The following DTWD2 variants were observed in gnomAD, a reference collection of about 807,000 sequenced individuals.
DTWD2 encodes the protein tRNA-uridine aminocarboxypropyltransferase 2.
DTWD2 carries 39 observed loss-of-function variants against 31.8 expected under a neutral mutation model. That is an observed-to-expected ratio of 1.22 (90% confidence interval 0.95 to 1.60). The LOEUF is 1.60. Ranked by LOEUF, DTWD2 falls within the 40% of genes most tolerant of loss-of-function variation. DTWD2 has a pLI of 0.00. For missense variants in DTWD2, 515 were observed against 381.5 expected (o/e 1.35, Z -2.92); for synonymous variants, 180 against 142.8 (o/e 1.26, Z -1.86).
intron 2 of DTWD2, among the ~76,000 whole-genome samples, chr5:118,940,645 A>C (rs188971823): frequency 3.3e-4 from 51 of 152,356 alleles, no homozygotes; most frequent in African/African-American, 1.1e-3. Context: ...AGTACAATAC[A>C]AAGAGAGAGA....
chr5:118,959,351 G>A (rs1033967937), intron 1 of DTWD2, among the ~76,000 whole-genome samples: 4 of 151,914 alleles, frequency 2.6e-5, no homozygotes, highest in African/African-American at 9.7e-5. Flanking sequence ...ACTCACAATA[G>A]ACACAAAAAG....
intron 1 of DTWD2, among the ~76,000 whole-genome samples, chr5:118,947,038 T>G (rs779213461): frequency 5.9e-5 from 9 of 152,128 alleles, no homozygotes; most frequent in Non-Finnish European, 1.2e-4. Flanking sequence ...CCTTGACCCC[T>G]TCCTGAGCAT....
At chr5:118,893,269 G>A (rs546719675) in intron 4 of DTWD2, among the ~76,000 whole-genome samples, 9 of 150,244 alleles carry the variant, frequency 6.0e-5, no homozygotes, top group African/African-American at 1.5e-4. Context: ...GCTGAGGCAC[G>A]AGAATCGCTT....
At chr5:118,885,584 G>A (rs1752844803) in intron 4 of DTWD2, among the ~76,000 whole-genome samples, 1 of 151,392 alleles carries the variant, frequency 6.6e-6, no homozygotes, top group South Asian at 2.1e-4. Context: ...TGGCCAACAG[G>A]GCGAAATCTC....
rs543263139 is a variant in DTWD2 at position 118,974,071 on chromosome 5, T to C, written c.218+14223A>G. On this transcript the variant is annotated intron_variant, in intron 1 of 5. Coordinates refer to ENST00000510708, the MANE Select transcript of DTWD2 (RefSeq NM_173666.4). Reference sequence around the variant, plus strand: ...CTACGGGCAAGCGGGCAGCTGAAGATGATGAGGATGACGATGTCGATACCA... The same window carrying C: ...CTACGGGCAAGCGGGCAGCTGAAGACGATGAGGATGACGATGTCGATACCA... 5 of 1,604,424 alleles carry C rather than the reference T, an allele frequency of 3.1e-6. No individual in the cohort carries two copies. The African/African-American group carries it at 4.0e-5, about 13-fold the overall frequency.
intron 4 of DTWD2, among the ~76,000 whole-genome samples, chr5:118,915,114 G>C (rs957619315): frequency 8.6e-5 from 13 of 151,974 alleles, no homozygotes; most frequent in Non-Finnish European, 1.8e-4. Context: ...CTACTTAGGA[G>C]GTTGAGGCAT....
At chr5:118,935,661 T>G (rs896307065) in intron 3 of DTWD2, among the ~76,000 whole-genome samples, 1 of 152,134 alleles carries the variant, frequency 6.6e-6, no homozygotes, top group African/African-American at 2.4e-5. Context: ...CACATAATAA[T>G]GATAAAAGGA....
At chr5:118,957,514 C>G (rs1169169909) in intron 1 of DTWD2, among the ~76,000 whole-genome samples, 1 of 152,136 alleles carries the variant, frequency 6.6e-6, no homozygotes, top group African/African-American at 2.4e-5. Context: ...GCCACCGCAC[C>G]TGGCCACTGT....
At chr5:118,947,087 C>T (rs547662933) in intron 1 of DTWD2, among the ~76,000 whole-genome samples, 3 of 152,232 alleles carry the variant, frequency 2.0e-5, no homozygotes, top group East Asian at 3.9e-4. Context: ...CAGCCCACAG[C>T]TCTCAACGCC....
intron 4 of DTWD2, among the ~76,000 whole-genome samples, chr5:118,878,755 A>C (rs1160021426): frequency 6.6e-6 from 1 of 152,212 alleles, no homozygotes; most frequent in Non-Finnish European, 1.5e-5. Flanking sequence ...AATTTTTGCA[A>C]ATTATGCATC....
intron 1 of DTWD2, 93 bp downstream of exon 1, chr5:118,988,201 C>G: frequency 6.8e-7 from 1 of 1,473,220 alleles, no homozygotes; most frequent in Non-Finnish European, 9.2e-7. Context: ...AATCGCAGAG[C>G]TGCCCGAGCC....
chr5:118,965,267 G>C (rs1330073416), intron 1 of DTWD2, among the ~76,000 whole-genome samples: 1 of 151,372 alleles, frequency 6.6e-6, no homozygotes, highest in Non-Finnish European at 1.5e-5. Flanking sequence ...CGGGAGGTGG[G>C]GGGCAGCCCC....
intron 1 of DTWD2, among the ~76,000 whole-genome samples, chr5:118,960,745 C>T (rs1053994855): frequency 2.6e-4 from 38 of 147,810 alleles, no homozygotes; most frequent in African/African-American, 8.7e-4. Flanking sequence ...TAGTATGCAG[C>T]CATAAAAAAA....
chr5:118,925,706 G>A (rs560603133), intron 4 of DTWD2, among the ~76,000 whole-genome samples: 6 of 151,862 alleles, frequency 4.0e-5, no homozygotes, highest in South Asian at 2.1e-4. Flanking sequence ...TTAGCCGGGC[G>A]CAGTGGCGGG....
At chr5:118,886,061 C>G (rs1561441549) in intron 4 of DTWD2, among the ~76,000 whole-genome samples, 1 of 152,102 alleles carries the variant, frequency 6.6e-6, no homozygotes, top group East Asian at 1.9e-4. Context: ...TAAGCCAGAC[C>G]CATACAGAAA....
At chr5:118,981,731 T>C (rs1755305458) in intron 1 of DTWD2, among the ~76,000 whole-genome samples, 1 of 152,058 alleles carries the variant, frequency 6.6e-6, no homozygotes, top group Non-Finnish European at 1.5e-5. Flanking sequence ...GCAATAGAAA[T>C]GAGAATCTCA....
chr5:118,963,979 G>T (rs571544531), intron 1 of DTWD2, among the ~76,000 whole-genome samples: 1 of 152,130 alleles, frequency 6.6e-6, no homozygotes, highest in African/African-American at 2.4e-5. Flanking sequence ...GGAGGCCGAG[G>T]CGTGTGGACC....
chr5:118,895,432 C>T (rs952180560), intron 4 of DTWD2, among the ~76,000 whole-genome samples: 2 of 152,172 alleles, frequency 1.3e-5, no homozygotes, highest in Non-Finnish European at 2.9e-5. Context: ...AATGACCATA[C>T]TGCCCTAAGC....
At chr5:118,985,642 T>C (rs536020151) in intron 1 of DTWD2, among the ~76,000 whole-genome samples, 6 of 151,568 alleles carry the variant, frequency 4.0e-5, no homozygotes, top group Non-Finnish European at 8.8e-5. Context: ...CTTCTGACTC[T>C]TACTCCACGA....
Sources: gnomAD v4.1 joint callset for allele counts (sites outside exome capture counted in the v4.1 genomes callset) on GRCh38, gnomAD v4.1.1 for gene constraint, MANE v1.5 for transcripts, NCBI Gene and HGNC (gene_info 2026-07-23, HGNC 2026-07-21) for gene names.